Variants in TUT7 observed in about 807,000 individuals in gnomAD.
The protein encoded by TUT7 is terminal uridylyltransferase 7.
In TUT7, 33 loss-of-function variants were observed where a neutral mutation model predicts 165.9. The observed-to-expected ratio is 0.20, with a 90% CI of 0.15 to 0.27. The LOEUF is 0.27. Among genes scored for constraint, TUT7 ranks in the 10% least tolerant of loss-of-function variants. The probability of loss-of-function intolerance (pLI) is 1.00; values close to 1 mark genes in which losing one functional copy is unlikely to be tolerated. For missense variants in TUT7, 1,338 were observed against 1,762.3 expected (o/e 0.76, Z 4.31); for synonymous variants, 552 against 608.1 (o/e 0.91, Z 1.36).
chr9:86,304,389 C>T (rs934503695), intron 24 of TUT7, among the ~76,000 whole-genome samples: 2 of 152,066 alleles, frequency 1.3e-5, no homozygotes, highest in Non-Finnish European at 2.9e-5. Context: ...CTGAAAAACT[C>T]GAGTATCAAG....
At chr9:86,296,051 A>G (rs1307946616) in intron 26 of TUT7, among the ~76,000 whole-genome samples, 8 of 152,180 alleles carry the variant, frequency 5.3e-5, no homozygotes, top group Admixed American at 5.2e-4. Context: ...AAAAATTTCC[A>G]TTATTTGTTT....
Position 86,340,050 on chromosome 9 carries a change from G to A in TUT7, c.1194C>T (p.Cys398=). 6.2e-7 allele frequency: 1 copy of A among 1,613,636 alleles called. No individual in the cohort carries two copies. Among genetic ancestry groups the A allele is most frequent in the East Asian group, 2.2e-5 (1 of 44,842 alleles). The part of the protein sequence containing the change: ...DFHARVPVVV[C]REKQSGLLCK... ...AGAAATGAGACCTTTGCTTTTCTCT[G>A]CACACCACCACTGGCACCCTAGCAT... The change falls in exon 8 of 27, where the codon TGC becomes TGT. Residue 398 remains cysteine, a synonymous_variant. Coordinates refer to ENST00000375963, the MANE Select transcript of TUT7 (RefSeq NM_024617.4).
Position 86,303,192 on chromosome 9 carries a change from A to G in TUT7, c.3988T>C (p.Phe1330Leu). 6.3e-7 allele frequency: 1 copy of G among 1,585,170 alleles called. No homozygotes were observed. Among genetic ancestry groups the G allele is most frequent in the Non-Finnish European group, 8.6e-7 (1 of 1,161,024 alleles). ...KDYPSKMEYF[F>L]DPDVLTEGEL... is the part of the protein sequence containing the mutation. The stretch of plus-strand genomic sequence containing the variant: ...CCTTCAGTTAACACATCTGGATCAA[A>G]AAAGTATTCCTAGAAGAACATAAAT... The change falls in exon 25 of 27, where the codon TTT becomes CTT. Residue 1330 changes from phenylalanine (F) to leucine (L), a missense_variant. Physicochemically the swap from Phe to Leu is conservative, Grantham distance 22 (BLOSUM62 0). Coordinates refer to ENST00000375963, the MANE Select transcript of TUT7 (RefSeq NM_024617.4).
Position 86,303,746 on chromosome 9 carries a change from T to A in TUT7, c.3979-545A>T, listed in dbSNP as rs1827177154. Among the ~76,000 whole-genome samples the A allele has an allele frequency of 3.9e-5, 6 of 152,142 alleles. No individual in the cohort carries two copies. In the South Asian group the frequency reaches 1.2e-3, roughly 32 times the overall value. On this transcript the variant is annotated intron_variant, in intron 24 of 26. Coordinates refer to ENST00000375963, the MANE Select transcript of TUT7 (RefSeq NM_024617.4). ...AAGGTGGAGGCCAGCAACATGAGCATCCCCAGGGAGCTTGCTGGAAAAGCA... is the reference window on the plus strand; with the variant it reads ...AAGGTGGAGGCCAGCAACATGAGCAACCCCAGGGAGCTTGCTGGAAAAGCA...
In TUT7 at chr9:86,303,068, C is replaced by T. The variant is rs1217513211; in HGVS notation, c.4094+18G>A. 11 of 1,317,610 alleles carry T rather than the reference C, an allele frequency of 8.3e-6. No homozygotes were observed. The highest frequency in any genetic ancestry group is 1.2e-5 in the Non-Finnish European group (11 of 943,646). The allele number at this position is 1,317,610 out of a possible 1,614,324, so 81.6% of individuals were successfully genotyped here. A position where few individuals can be genotyped will look rare whatever the true frequency, so the allele number is the denominator to read the frequency against. On this transcript the variant is annotated intron_variant, in intron 25 of 26. Transcript: ENST00000375963. ...AAGAAAATAAAAACACAACCAACCC[C>T]TTTGAACATTTACTTACTTTCTCCT...
chr9:86,346,555 G>A (rs1449153645), intron 2 of TUT7, 75 bp from the exon 3 acceptor site: 2 of 1,400,106 alleles, frequency 1.4e-6, no homozygotes, highest in Non-Finnish European at 9.8e-7. Flanking sequence ...CCTTACATAT[G>A]TATTAAATCA....
Position 86,344,957 on chromosome 9 carries a change from AAAAC to A in TUT7, c.997+16_997+19del. On this transcript the variant is annotated intron_variant, in intron 5 of 26. Coordinates refer to ENST00000375963, the MANE Select transcript of TUT7 (RefSeq NM_024617.4). ...AGGTACTTTTAGGTAGTTAAATAGA[AAAAC>A]AAATCTAGAAAATACCTGGTAACTT... 1 of 1,593,054 alleles carries A rather than the reference AAAAC, an allele frequency of 6.3e-7. No individual in the cohort carries two copies. Among genetic ancestry groups the A allele is most frequent in the South Asian group, 1.1e-5 (1 of 87,742 alleles).
Position 86,310,823 on chromosome 9 carries a change from T to A in TUT7, c.3275-14A>T, listed in dbSNP as rs373352760. 4.3e-5 allele frequency: 62 copies of A among 1,440,004 alleles called. No individual in the cohort carries two copies. The African/African-American group carries it at 7.8e-4, about 18-fold the overall frequency. The allele number at this position is 1,440,004 out of a possible 1,614,324, so 89.2% of individuals were successfully genotyped here. A position where few individuals can be genotyped will look rare whatever the true frequency, so the allele number is the denominator to read the frequency against. On this transcript the variant is annotated splice_polypyrimidine_tract_variant and intron_variant, in intron 17 of 26. Transcript: ENST00000375963. ...TGTTTCTCAGACCTAAGTTGGGAAA[T>A]AAAATGTTATCATTAAATACAGCAG...
intron 26 of TUT7, among the ~76,000 whole-genome samples, chr9:86,299,736 A>C (rs1369550173): frequency 2.6e-5 from 4 of 152,206 alleles, no homozygotes; most frequent in Admixed American, 2.6e-4. Context: ...TACACAACTT[A>C]AAACTTGCTG....
chr9:86,330,150 T>C (rs1225857765), intron 10 of TUT7, among the ~76,000 whole-genome samples: 2 of 152,118 alleles, frequency 1.3e-5, no homozygotes, highest in African/African-American at 2.4e-5. Context: ...CTCTACCTCC[T>C]GGGTTGAAGC....
chr9:86,298,834 A>G, intron 26 of TUT7: 1 of 983,982 alleles, frequency 1.0e-6, no homozygotes, highest in Non-Finnish European at 1.2e-6. Flanking sequence ...GCACTGCCTA[A>G]AAAATGAAAT....
At position 86,323,079 on chromosome 9, in the gene TUT7, C is replaced by T. The variant is rs879758874; in HGVS notation, c.2671G>A (p.Ala891Thr). The T allele has an allele frequency of 1.2e-5, 19 of 1,614,188 alleles. No homozygotes were observed. The highest frequency in any genetic ancestry group is 1.6e-4 in the Middle Eastern group (1 of 6,062). Residue 891 changes from alanine to threonine, a missense_variant, in exon 13 of 27, where the codon GCC becomes ACC. Ala to Thr is a moderately conservative substitution (Grantham distance 58, BLOSUM62 0). This residue lies in a region of TUT7 where 425 missense variants were observed against 474.9 expected (regional missense o/e 0.89). Coordinates refer to ENST00000375963, the MANE Select transcript of TUT7 (RefSeq NM_024617.4). ...NTYTGSGDED[A>T]LSEEDDELGE... ...AACTCATCATCCTCTTCAGATAGGG[C>T]GTCCTCATCCCCTGACCCAGTGTAG... is the stretch of plus-strand genomic sequence containing the variant.
At chr9:86,301,858 A>G in intron 25 of TUT7, 1 of 985,110 alleles carries the variant, frequency 1.0e-6, no homozygotes, top group Non-Finnish European at 1.2e-6. Context: ...AATTAGTGGC[A>G]CTCCTTGGCT....
At position 86,288,626 on chromosome 9, in the gene TUT7, A is replaced by C. The variant is rs1825694019; in HGVS notation, c.*51T>G. On this transcript the variant is annotated 3_prime_UTR_variant, in exon 27 of 27. Transcript: ENST00000375963. ...CCTGTGAAATGAACCTAATTTTCCG[A>C]GTGAATAGGAACGCCTGAGTGGCCA... 7.0e-7 allele frequency: 1 copy of C among 1,435,016 alleles called. No homozygotes were observed. Among genetic ancestry groups the C allele is most frequent in the African/African-American group, 1.4e-5 (1 of 71,190 alleles). 88.9% of individuals were successfully genotyped at this position (1,435,016 alleles called of 1,614,324 possible).
At chr9:86,327,187 T>C (rs926701577) in intron 11 of TUT7, among the ~76,000 whole-genome samples, 2 of 152,206 alleles carry the variant, frequency 1.3e-5, no homozygotes, top group African/African-American at 4.8e-5. Flanking sequence ...TCTTTATCCA[T>C]AGCGGCATTA....
chr9:86,344,528 A>G (rs1831588250), intron 5 of TUT7, among the ~76,000 whole-genome samples: 1 of 152,182 alleles, frequency 6.6e-6, no homozygotes, highest in Non-Finnish European at 1.5e-5. Flanking sequence ...AATTTCTTAA[A>G]ACTAGTTTTC....
intron 7 of TUT7, 28 bp downstream of exon 7, chr9:86,340,974 A>AT: frequency 6.3e-7 from 1 of 1,580,188 alleles, no homozygotes. Flanking sequence ...CAACATAAAA[A>AT]TTTTTTAAAT....
intron 2 of TUT7, among the ~76,000 whole-genome samples, chr9:86,348,929 T>TA (rs1477923316): frequency 6.6e-6 from 1 of 151,978 alleles, no homozygotes; most frequent in Non-Finnish European, 1.5e-5. Context: ...GCATGCATGG[T>TA]AAAAACTGTC....
In TUT7 at chr9:86,288,633, A is replaced by G; in HGVS notation, c.*44T>C. Reference sequence around the variant, plus strand: ...AATGAACCTAATTTTCCGAGTGAATAGGAACGCCTGAGTGGCCATTTAGAG... The same window carrying G: ...AATGAACCTAATTTTCCGAGTGAATGGGAACGCCTGAGTGGCCATTTAGAG... On this transcript the variant is annotated 3_prime_UTR_variant, in exon 27 of 27. Coordinates refer to ENST00000375963, the MANE Select transcript of TUT7 (RefSeq NM_024617.4). 1 of 1,502,306 alleles carries G rather than the reference A, an allele frequency of 6.7e-7. No homozygotes were observed. Among genetic ancestry groups the G allele is most frequent in the Non-Finnish European group, 9.3e-7 (1 of 1,079,364 alleles). 93.1% of individuals were successfully genotyped at this position (1,502,306 alleles called of 1,614,324 possible).
Sources: allele counts gnomAD v4.1 joint callset (sites outside exome capture counted in the v4.1 genomes callset), GRCh38; gene constraint gnomAD v4.1.1; regional missense constraint gnomAD v4.1.1; transcripts MANE v1.5; gene names NCBI Gene and HGNC (gene_info 2026-07-23, HGNC 2026-07-21).